The following EGLN1 variants were observed in gnomAD, a reference collection of about 807,000 sequenced individuals.
The protein encoded by EGLN1 is egl-9 family hypoxia inducible factor 1, also known as egl nine homolog 1.
A neutral mutation model predicts 38.3 loss-of-function variants in EGLN1; 17 were observed. The observed-to-expected ratio is 0.44, with a 90% confidence interval of 0.30 to 0.67. The LOEUF (loss-of-function observed/expected upper bound fraction) is 0.67. Ranked by LOEUF, EGLN1 falls within the 30% of genes least tolerant of loss-of-function variation. The pLI, the probability that EGLN1 is intolerant of heterozygous loss-of-function variation, is 0.08. For synonymous variants in EGLN1, 283 were observed against 257.5 expected, an observed-to-expected ratio of 1.10 and a Z score of -0.95; for missense variants, 477 against 603.3, an observed-to-expected ratio of 0.79 and a Z score of 2.19.
In EGLN1 at chr1:231,389,580, T is replaced by G. The variant is rs1214483210; in HGVS notation, c.892-15481A>C. ...AATATACCACATCTTATGTAGCACCTTCTAGTTTGTAAAACTGCTTTTCAC... is the reference window on the plus strand; with the variant it reads ...AATATACCACATCTTATGTAGCACCGTCTAGTTTGTAAAACTGCTTTTCAC... On this transcript the variant is annotated intron_variant, in intron 1 of 4. Transcript: ENST00000366641. Among the ~76,000 whole-genome samples, 5 of 152,304 alleles carry G rather than the reference T, an allele frequency of 3.3e-5. No individual in the cohort carries two copies. In the East Asian group the frequency reaches 9.7e-4, roughly 29 times the overall value.
At chr1:231,382,233 A>G (rs781293225) in intron 1 of EGLN1, among the ~76,000 whole-genome samples, 2 of 152,228 alleles carry the variant, frequency 1.3e-5, no homozygotes, top group Non-Finnish European at 2.9e-5. Context: ...TCCAGGGTCT[A>G]GAAGAGTTAC....
chr1:231,405,379 A>G (rs1271150811), intron 1 of EGLN1, among the ~76,000 whole-genome samples: 3 of 151,924 alleles, frequency 2.0e-5, no homozygotes, highest in Non-Finnish European at 4.4e-5. Flanking sequence ...GGGTTTTACC[A>G]TGTTAGCCAG....
intron 1 of EGLN1, among the ~76,000 whole-genome samples, chr1:231,400,330 T>C (rs1049484304): frequency 6.6e-6 from 1 of 152,062 alleles, no homozygotes; most frequent in African/African-American, 2.4e-5. Flanking sequence ...CCATGGAATT[T>C]TAAGGAGCTA....
At chr1:231,385,929 C>A (rs1429911104) in intron 1 of EGLN1, among the ~76,000 whole-genome samples, 4 of 152,126 alleles carry the variant, frequency 2.6e-5, no homozygotes, top group Non-Finnish European at 4.4e-5. Flanking sequence ...TGGCTCAATG[C>A]AGCCTCAGCC....
intron 1 of EGLN1, among the ~76,000 whole-genome samples, chr1:231,408,733 C>T (rs1688854655): frequency 6.6e-6 from 1 of 152,050 alleles, no homozygotes; most frequent in Admixed American, 6.6e-5. Context: ...GAATGGAAAC[C>T]AGCCACAGTG....
At chr1:231,387,202 G>T (rs1320974405) in intron 1 of EGLN1, among the ~76,000 whole-genome samples, 2 of 149,252 alleles carry the variant, frequency 1.3e-5, no homozygotes, top group Non-Finnish European at 3.0e-5. Context: ...ATTTGCATGA[G>T]ATGTCAAAAT....
chr1:231,367,726 C>A, intron 3 of EGLN1, 90 bp from the exon 4 acceptor site: 1 of 1,096,618 alleles, frequency 9.1e-7, no homozygotes, highest in Non-Finnish European at 1.4e-6. Context: ...ACTTGTAATG[C>A]CAAAATTATG....
chr1:231,395,735 A>C (rs1688508105), intron 1 of EGLN1, among the ~76,000 whole-genome samples: 1 of 152,174 alleles, frequency 6.6e-6, no homozygotes, highest in African/African-American at 2.4e-5. Flanking sequence ...ACAATTTGGG[A>C]TACTGAGTTC....
intron 1 of EGLN1, among the ~76,000 whole-genome samples, chr1:231,403,608 TAA>T (rs1688715118): frequency 6.6e-6 from 1 of 151,434 alleles, no homozygotes; most frequent in Non-Finnish European, 1.5e-5. Context: ...CTGTCTCTAC[TAA>T]AAATACAAAA....
At chr1:231,399,569 A>C (rs1688613779) in intron 1 of EGLN1, among the ~76,000 whole-genome samples, 1 of 152,240 alleles carries the variant, frequency 6.6e-6, no homozygotes, top group Non-Finnish European at 1.5e-5. Context: ...AGAGGAGAAT[A>C]AAGCCAACAG....
At chr1:231,399,439 T>C (rs1688610725) in intron 1 of EGLN1, among the ~76,000 whole-genome samples, 1 of 152,106 alleles carries the variant, frequency 6.6e-6, no homozygotes, top group Non-Finnish European at 1.5e-5. Flanking sequence ...AGAAGAATGT[T>C]GACACCAAAA....
intron 1 of EGLN1, among the ~76,000 whole-genome samples, chr1:231,396,926 A>T (rs1688543946): frequency 6.6e-6 from 1 of 151,918 alleles, no homozygotes; most frequent in African/African-American, 2.4e-5. Flanking sequence ...AATCTGTATA[A>T]CTCTCTCTAC....
At chr1:231,389,745 G>A (rs1350512716) in intron 1 of EGLN1, among the ~76,000 whole-genome samples, 2 of 152,142 alleles carry the variant, frequency 1.3e-5, no homozygotes, top group Non-Finnish European at 1.5e-5. Flanking sequence ...TCAAGAGATT[G>A]AGACCATCCT....
chr1:231,420,572 C>T (rs960935337), intron 1 of EGLN1, among the ~76,000 whole-genome samples: 1 of 152,122 alleles, frequency 6.6e-6, no homozygotes, highest in African/African-American at 2.4e-5. Context: ...GGTTCAGACA[C>T]CATAGGAAAT....
intron 1 of EGLN1, among the ~76,000 whole-genome samples, chr1:231,383,817 C>T (rs182416450): frequency 1.3e-5 from 2 of 151,992 alleles, no homozygotes; most frequent in East Asian, 3.9e-4. Flanking sequence ...ATGCCCTCTG[C>T]TTGAAATTAT....
intron 1 of EGLN1, among the ~76,000 whole-genome samples, chr1:231,375,764 C>G (rs532041016): frequency 6.6e-6 from 1 of 152,206 alleles, no homozygotes; most frequent in Non-Finnish European, 1.5e-5. Flanking sequence ...CACTAGCTAC[C>G]CAGGAAAGAA....
intron 1 of EGLN1, among the ~76,000 whole-genome samples, chr1:231,412,849 T>C (rs931899451): frequency 1.3e-5 from 2 of 152,254 alleles, no homozygotes; most frequent in Admixed American, 1.3e-4. Flanking sequence ...TAGGTCAAAA[T>C]AAAACAATAA....
At chr1:231,382,013 T>C (rs1448313226) in intron 1 of EGLN1, among the ~76,000 whole-genome samples, 1 of 152,232 alleles carries the variant, frequency 6.6e-6, no homozygotes, top group African/African-American at 2.4e-5. Flanking sequence ...AAGACAGATA[T>C]TCTGACAGCT....
At chr1:231,371,648 G>A (rs1687824789) in intron 2 of EGLN1, among the ~76,000 whole-genome samples, 1 of 152,104 alleles carries the variant, frequency 6.6e-6, no homozygotes, top group African/African-American at 2.4e-5. Context: ...CACCAACTAG[G>A]CATCAAATCG....
Sources: gnomAD v4.1 joint callset for allele counts (sites outside exome capture counted in the v4.1 genomes callset) on GRCh38, gnomAD v4.1.1 for gene constraint, MANE v1.5 for transcripts, NCBI Gene and HGNC (gene_info 2026-07-23, HGNC 2026-07-21) for gene names.